Variants in CDH26 observed in about 807,000 individuals in gnomAD.
The protein encoded by CDH26 is cadherin 26.
A neutral mutation model predicts 90.3 loss-of-function variants in CDH26; 83 were observed. The ratio of observed to expected loss-of-function variants is 0.92; its 90% CI spans 0.77 to 1.10. The LOEUF (loss-of-function observed/expected upper bound fraction) is 1.10, where lower values mean the gene tolerates loss of function less well. CDH26 is among the 50% of genes least tolerant of loss of function. CDH26 has a pLI of 0.00. For missense variants in CDH26, 1,013 were observed against 1,037.6 expected (o/e 0.98, Z 0.33); for synonymous variants, 397 against 396.3 (o/e 1.00, Z -0.02).
intron 4 of CDH26, among the ~76,000 whole-genome samples, chr20:59,981,431 C>T (rs2061394145): frequency 6.6e-6 from 1 of 152,138 alleles, no homozygotes; most frequent in Non-Finnish European, 1.5e-5. Context: ...AACATTTTCA[C>T]TAAATAGATC....
intron 2 of CDH26, among the ~76,000 whole-genome samples, chr20:59,969,534 A>G (rs2061224833): frequency 6.6e-6 from 1 of 152,262 alleles, no homozygotes; most frequent in Non-Finnish European, 1.5e-5. Flanking sequence ...GTGAAAATAT[A>G]TAATGCAAAC....
intron 11 of CDH26, among the ~76,000 whole-genome samples, chr20:59,994,733 C>T (rs1181626161): frequency 3.3e-5 from 5 of 151,988 alleles, no homozygotes; most frequent in Admixed American, 6.6e-5. Context: ...GCTGGGAGTC[C>T]CTGAGACATA....
At position 59,984,813 on chromosome 20, in the gene CDH26, G is replaced by A. The variant is rs2061432840; in HGVS notation, c.708+8G>A. ...GGCTGCTTAGATTATGAGGTTATGT[G>A]GATTTTATTATTTTTTTTAAATGAA... On this transcript the variant is annotated splice_region_variant and intron_variant, in intron 6 of 17. Coordinates refer to ENST00000348616, the MANE Select transcript of CDH26 (RefSeq NM_177980.4). The A allele has an allele frequency of 6.3e-7, 1 of 1,594,710 alleles. No individual in the cohort carries two copies. Among genetic ancestry groups the A allele is most frequent in the South Asian group, 1.2e-5 (1 of 86,896 alleles).
At chr20:59,999,815 A>G in intron 14 of CDH26, 152 bp downstream of exon 14, 1 of 646,660 alleles carries the variant, frequency 1.5e-6, no homozygotes, top group Non-Finnish European at 2.7e-6. Context: ...GCAAAGCCCC[A>G]TGGTTCCCTT....
intron 15 of CDH26, among the ~76,000 whole-genome samples, chr20:60,002,021 C>T (rs990868638): frequency 6.6e-6 from 1 of 152,152 alleles, no homozygotes; most frequent in Non-Finnish European, 1.5e-5. Context: ...AGTTCTCAGT[C>T]ACAGACCTTA....
chr20:59,967,813 A>ATTTC (rs1204879152), intron 1 of CDH26, among the ~76,000 whole-genome samples: 1,441 of 43,934 alleles, frequency 0.033, 67 homozygotes, highest in Non-Finnish European at 0.044. Context: ...TCCCTCCCTC[A>ATTTC]TTTCTTTCTT....
In CDH26 at chr20:60,002,883, G is replaced by T. The variant is rs758406891; in HGVS notation, c.2220+17G>T. On this transcript the variant is annotated intron_variant, in intron 16 of 17. Coordinates refer to ENST00000348616, the MANE Select transcript of CDH26 (RefSeq NM_177980.4). The stretch of plus-strand genomic sequence containing the variant: ...TCTACTCCTGTAAGTATAGATGTAG[G>T]TGTTACCGTGAACAAATTTACCTTA... The T allele has an allele frequency of 2.6e-6, 4 of 1,520,438 alleles. No individual in the cohort carries two copies. The Admixed American group carries it at 7.4e-5, about 28-fold the overall frequency. The allele number at this position is 1,520,438 out of a possible 1,614,324, so 94.2% of individuals were successfully genotyped here.
intron 4 of CDH26, among the ~76,000 whole-genome samples, chr20:59,978,305 CTG>C (rs577982269): frequency 6.6e-6 from 1 of 151,946 alleles, no homozygotes; most frequent in Non-Finnish European, 1.5e-5. Flanking sequence ...AACTGCCAAA[CTG>C]TCCCCCAAAG....
In CDH26 at chr20:59,992,644, G is replaced by A. The variant is rs558760386; in HGVS notation, c.1426+124G>A. 6.3e-5 allele frequency: 59 copies of A among 930,376 alleles called. No homozygotes were observed. Among genetic ancestry groups the A allele is most frequent in the Non-Finnish European group, 8.6e-5 (53 of 614,706 alleles). The allele number at this position is 930,376 out of a possible 1,614,324, so 57.6% of individuals were successfully genotyped here. A position where few individuals can be genotyped will look rare whatever the true frequency, so the allele number is the denominator to read the frequency against. Reference sequence around the variant, plus strand: ...ATAAAATAAACCTTGTTATCACTCTGCATCCATGCTGGTGATTATTTTTGG... The same window carrying A: ...ATAAAATAAACCTTGTTATCACTCTACATCCATGCTGGTGATTATTTTTGG... On this transcript the variant is annotated intron_variant, in intron 10 of 17. Coordinates refer to ENST00000348616, the MANE Select transcript of CDH26 (RefSeq NM_177980.4). This position sits in a 1 kb window ranked among gnomAD's most constrained non-coding sequence, Gnocchi z 5.0.
chr20:59,967,928 CCTTTCCCTTT>C (rs1908775747), intron 1 of CDH26, among the ~76,000 whole-genome samples: 1 of 128,436 alleles, frequency 7.8e-6, no homozygotes, highest in Non-Finnish European at 1.6e-5. Context: ...CCTTTCCTTT[CCTTTCCCTTT>C]CTTTCTTTCT....
At chr20:59,989,529 C>T (rs1183525736) in intron 9 of CDH26, among the ~76,000 whole-genome samples, 1 of 133,062 alleles carries the variant, frequency 7.5e-6, no homozygotes, top group African/African-American at 3.2e-5. Flanking sequence ...AGCGAGACTC[C>T]GTCTCAAAAA....
Position 59,966,231 on chromosome 20 carries a change from T to TAAAAAAAAAAAAAAA in CDH26, c.70-2724_70-2710dup, listed in dbSNP as rs60088029. On this transcript the variant is annotated intron_variant, in intron 1 of 17. Transcript: ENST00000348616. Reference sequence around the variant, plus strand: ...TCTTTCAAGTAAAATGGTGTTGCATTAAAAAAAAAAAAAAAAAAAAAAAAA... The same window carrying TAAAAAAAAAAAAAAA: ...TCTTTCAAGTAAAATGGTGTTGCATTAAAAAAAAAAAAAAAAAAAAAAAAAAAAAAAAAAAAAAAA... Among the ~76,000 whole-genome samples, 57 of 76,266 alleles carry TAAAAAAAAAAAAAAA rather than the reference T, an allele frequency of 7.5e-4. 2 individuals carry two copies. Among genetic ancestry groups the TAAAAAAAAAAAAAAA allele is most frequent in the African/African-American group, 3.5e-3 (56 of 15,908 alleles). 50.0% of individuals were successfully genotyped at this position (76,266 alleles called of 152,430 possible).
chr20:59,967,957 A>ATCTTTCTTTCTT lies in CDH26; in HGVS notation c.70-965_70-954dup, dbSNP rs1162039272. ...TCCCTTTCTTTCTTTCTTTCTTTCTATCTTTCTTTCTTTCTTTCTTTCTTT... is the reference window on the plus strand; with the variant it reads ...TCCCTTTCTTTCTTTCTTTCTTTCTATCTTTCTTTCTTTCTTTCTTTCTTTCTTTCTTTCTTT... On this transcript the variant is annotated intron_variant, in intron 1 of 17. Coordinates refer to ENST00000348616, the MANE Select transcript of CDH26 (RefSeq NM_177980.4). Among the ~76,000 whole-genome samples, 139 of 59,558 alleles carry ATCTTTCTTTCTT rather than the reference A, an allele frequency of 2.3e-3. 3 individuals carry two copies. The highest frequency in any genetic ancestry group is 3.4e-3 in the South Asian group (5 of 1,454). 39.1% of individuals were successfully genotyped at this position (59,558 alleles called of 152,430 possible). A position where few individuals can be genotyped will look rare whatever the true frequency, so the allele number is the denominator to read the frequency against.
At chr20:59,969,286 A>G (rs189389672) in intron 2 of CDH26, among the ~76,000 whole-genome samples, 67 of 152,314 alleles carry the variant, frequency 4.4e-4, no homozygotes, top group African/African-American at 1.5e-3. Flanking sequence ...TGTCCACATC[A>G]TTTTATTCTT....
At chr20:60,023,432 A>G (rs1354086452) in intron 7 of CDH26, among the ~76,000 whole-genome samples, 1 of 152,204 alleles carries the variant, frequency 6.6e-6, no homozygotes, top group Non-Finnish European at 1.5e-5. Context: ...AAATATTGTG[A>G]GCTAGAGAGC....
At chr20:59,983,583 A>G (rs2061419869) in intron 5 of CDH26, among the ~76,000 whole-genome samples, 1 of 152,250 alleles carries the variant, frequency 6.6e-6, no homozygotes, top group Admixed American at 6.5e-5. Context: ...CCCATGAGAG[A>G]TAACAACCAT....
chr20:60,028,399 T>C (rs1172912624), intron 7 of CDH26, among the ~76,000 whole-genome samples: 1 of 152,246 alleles, frequency 6.6e-6, no homozygotes, highest in African/African-American at 2.4e-5. Flanking sequence ...GGGAAGGAAC[T>C]GGTTGTGGCT....
At position 60,021,881 on chromosome 20, in the gene CDH26, C is replaced by T. The variant is rs1457908097; in HGVS notation, c.948-9350C>T. 6.0e-3 allele frequency among the ~76,000 whole-genome samples: 521 copies of T among 86,926 alleles called. 8 individuals are homozygous for T. The highest frequency in any genetic ancestry group is 9.1e-3 in the Non-Finnish European group (344 of 37,630). The allele number at this position is 86,926 out of a possible 152,430, so 57.0% of individuals were successfully genotyped here. A position where few individuals can be genotyped will look rare whatever the true frequency, so the allele number is the denominator to read the frequency against. On this transcript the variant is annotated intron_variant, in intron 7 of 8. Coordinates refer to the CDH26 transcript ENST00000370991. ...ACACACACACACACACACACACACA[C>T]ACACACACACACACACATATATATA... is the stretch of plus-strand genomic sequence containing the variant.
At position 59,994,510 on chromosome 20, in the gene CDH26, C is replaced by A. The variant is rs563877897; in HGVS notation, c.1666+21C>A. 43 of 1,611,264 alleles carry A rather than the reference C, an allele frequency of 2.7e-5. No homozygotes were observed. The Middle Eastern group carries it at 6.6e-4, about 25-fold the overall frequency. On this transcript the variant is annotated intron_variant, in intron 11 of 17. Coordinates refer to ENST00000348616, the MANE Select transcript of CDH26 (RefSeq NM_177980.4). Reference sequence around the variant, plus strand: ...TTGGGGTGAGTTTTTGTATTGGTTACGGGCAAAGAGTGGAAAATGCCAGAT... The same window carrying A: ...TTGGGGTGAGTTTTTGTATTGGTTAAGGGCAAAGAGTGGAAAATGCCAGAT...
Sources: gnomAD v4.1 joint callset for allele counts (sites outside exome capture counted in the v4.1 genomes callset) on GRCh38, gnomAD v4.1.1 for gene constraint, Gnocchi (gnomAD v3.1) non-coding constraint, MANE v1.5 for transcripts, NCBI Gene and HGNC (gene_info 2026-07-23, HGNC 2026-07-21) for gene names.